The following SRSF4 variants were observed in gnomAD, a reference collection of about 807,000 sequenced individuals.
The protein encoded by SRSF4 is serine and arginine rich splicing factor 4, also known as serine/arginine-rich splicing factor 4.
Under a neutral mutation model 48.8 loss-of-function variants are expected in SRSF4, and 12 were observed. The observed-to-expected ratio is 0.25, with a 90% CI of 0.16 to 0.40. SRSF4 has a LOEUF of 0.40. Among genes scored for constraint, SRSF4 ranks in the 10% least tolerant of loss-of-function variants. The probability of loss-of-function intolerance (pLI) is 1.00; values close to 1 mark genes in which losing one functional copy is unlikely to be tolerated. For missense variants in SRSF4, 466 were observed against 667.1 expected, an observed-to-expected ratio of 0.70 and a Z score of 3.32; for synonymous variants, 248 against 232.5, an observed-to-expected ratio of 1.07 and a Z score of -0.61.
intron 3 of SRSF4, among the ~76,000 whole-genome samples, chr1:29,155,420 G>A (rs1289288632): frequency 1.3e-5 from 2 of 152,056 alleles, no homozygotes; most frequent in African/African-American, 4.8e-5. Flanking sequence ...TACAGAGCAA[G>A]ACCCTACCTC....
intron 4 of SRSF4, among the ~76,000 whole-genome samples, chr1:29,151,571 C>T (rs900411125): frequency 1.3e-5 from 2 of 152,180 alleles, no homozygotes; most frequent in African/African-American, 4.8e-5. Context: ...AGCCTGACTA[C>T]ATTAGGTTTT....
chr1:29,148,455 G>T lies in SRSF4; in HGVS notation c.1440C>A (p.Ser480=), dbSNP rs771875646. ...SRSKSRSRSA[S]RSPSRSRSRS... ...TAGATCTAGATCGGGAGGGCGATCT[G>T]GAAGCAGACCTGGATCTAGACTTGG... The change falls in exon 6 of 6, where the codon TCC becomes TCA. Residue 480 remains serine (S), a synonymous_variant. Coordinates refer to ENST00000373795, the MANE Select transcript of SRSF4 (RefSeq NM_005626.5). 1.2e-6 allele frequency: 2 copies of T among 1,612,204 alleles called. No individual in the cohort carries two copies. Among genetic ancestry groups the T allele is most frequent in the South Asian group, 2.2e-5 (2 of 90,746 alleles).
Position 29,181,806 on chromosome 1 carries a change from C to A in SRSF4, c.-54G>T. On this transcript the variant is annotated 5_prime_UTR_variant, in exon 1 of 6. Transcript: ENST00000373795. ...GGCCCCAGCCCCCCTTAGGCGGCGG[C>A]GGGCAAAGCGAGAGCACGGCGGCAG... is the stretch of plus-strand genomic sequence containing the variant. The A allele has an allele frequency of 6.9e-7, 1 of 1,449,222 alleles. No homozygotes were observed. The highest frequency in any genetic ancestry group is 9.1e-7 in the Non-Finnish European group (1 of 1,094,002). 89.8% of individuals were successfully genotyped at this position (1,449,222 alleles called of 1,614,324 possible).
At chr1:29,178,106 G>T (rs2151828545) in intron 1 of SRSF4, among the ~76,000 whole-genome samples, 1 of 151,678 alleles carries the variant, frequency 6.6e-6, no homozygotes, top group East Asian at 2.0e-4. Context: ...CACCATGTTG[G>T]CCAGGCTGGT....
intron 1 of SRSF4, chr1:29,171,396 A>G (rs1189104568): frequency 4.0e-5 from 6 of 148,398 alleles, no homozygotes; most frequent in Admixed American, 3.4e-4. Flanking sequence ...TTGAATGTCA[A>G]TGCCCACATG....
chr1:29,150,841 A>G (rs1672398332), intron 4 of SRSF4, among the ~76,000 whole-genome samples: 1 of 152,028 alleles, frequency 6.6e-6, no homozygotes, highest in Non-Finnish European at 1.5e-5. Flanking sequence ...ACCCACGATC[A>G]TGCCTCCTGA....
chr1:29,171,777 T>C (rs1296591607), intron 1 of SRSF4: 1 of 152,190 alleles, frequency 6.6e-6, no homozygotes, highest in African/African-American at 2.4e-5. Context: ...ACCGAGTCTA[T>C]ATCCTGTGCC....
At chr1:29,154,956 A>C in intron 3 of SRSF4, 46 bp from the exon 4 acceptor site, 1 of 1,540,782 alleles carries the variant, frequency 6.5e-7, no homozygotes, top group East Asian at 2.3e-5. Flanking sequence ...TGTTTTGCTA[A>C]AATATCTAAT....
At chr1:29,178,603 G>A (rs561468543) in intron 1 of SRSF4, among the ~76,000 whole-genome samples, 309 of 151,720 alleles carry the variant, frequency 2.0e-3, no homozygotes, top group Non-Finnish European at 3.5e-3. Context: ...TCATCTGCCC[G>A]CCTCGGCCTC....
At chr1:29,162,923 TTC>T (rs1180336894) in intron 1 of SRSF4, among the ~76,000 whole-genome samples, 1 of 152,192 alleles carries the variant, frequency 6.6e-6, no homozygotes, top group African/African-American at 2.4e-5. Flanking sequence ...CAAGTGATGC[TTC>T]TGTCAGACCT....
chr1:29,160,584 GA>G (rs1672579410), intron 1 of SRSF4, 67 bp from the exon 2 acceptor site: 9 of 1,515,306 alleles, frequency 5.9e-6, no homozygotes, highest in Non-Finnish European at 8.0e-6. Flanking sequence ...ACATTAAAGA[GA>G]AAGCAATGAG....
Position 29,148,972 on chromosome 1 carries a change from C to G in SRSF4, c.923G>C (p.Arg308Thr). 6.2e-7 allele frequency: 1 copy of G among 1,613,100 alleles called. No homozygotes were observed. The highest frequency in any genetic ancestry group is 8.5e-7 in the Non-Finnish European group (1 of 1,179,848). The change falls in exon 6 of 6, where the codon AGA (arginine) becomes ACA (threonine). Residue 308 changes from arginine to threonine, a missense_variant. By Grantham distance (71) the Arg-to-Thr change is moderately conservative. Coordinates refer to ENST00000373795, the MANE Select transcript of SRSF4 (RefSeq NM_005626.5). ...SKSRSRSQERRVEEEKRGSVS... is the reference protein window; with the variant it reads ...SKSRSRSQERTVEEEKRGSVS... ...ACTCCCTCGCTTCTCCTCCTCCACT[C>G]TCCTCTCCTGACTCCTGCTCCGACT... is the stretch of plus-strand genomic sequence containing the variant.
intron 1 of SRSF4, among the ~76,000 whole-genome samples, chr1:29,176,248 T>C (rs1036307674): frequency 5.9e-5 from 9 of 151,894 alleles, no homozygotes; most frequent in African/African-American, 1.9e-4. Context: ...CAAGACTCCA[T>C]CTCAAAAAAA....
At chr1:29,172,634 C>T (rs1168998775) in intron 1 of SRSF4, 1 of 152,204 alleles carries the variant, frequency 6.6e-6, no homozygotes, top group African/African-American at 2.4e-5. Context: ...AAGTGCCCAT[C>T]ACACGGGCAT....
intron 3 of SRSF4, among the ~76,000 whole-genome samples, chr1:29,157,044 T>C (rs1375614022): frequency 6.6e-6 from 1 of 152,222 alleles, no homozygotes; most frequent in Non-Finnish European, 1.5e-5. Context: ...AGCATATCTT[T>C]AACTTATCGG....
intron 1 of SRSF4, among the ~76,000 whole-genome samples, chr1:29,168,029 T>TAA (rs35140219): frequency 9.2e-5 from 13 of 141,194 alleles, no homozygotes; most frequent in South Asian, 2.3e-4. Context: ...TTTTTTTTTT[T>TAA]AAAAAAAACA....
At chr1:29,170,115 T>C (rs1449095273) in intron 1 of SRSF4, 3 of 152,206 alleles carry the variant, frequency 2.0e-5, no homozygotes, top group Non-Finnish European at 2.9e-5. Context: ...GATACAATCA[T>C]CTGTGTCCAT....
At position 29,149,181 on chromosome 1, in the gene SRSF4, A is replaced by T; in HGVS notation, c.714T>A (p.Ser238Arg). The T allele has an allele frequency of 3.1e-6, 5 of 1,609,342 alleles. No homozygotes were observed. The highest frequency in any genetic ancestry group is 4.2e-6 in the Non-Finnish European group (5 of 1,179,486). The change falls in exon 6 of 6, where the codon AGT becomes AGA. Residue 238 changes from serine (S) to arginine (R), a missense_variant. Physicochemically the swap from Ser to Arg is moderately radical, Grantham distance 110 (BLOSUM62 -1). This residue lies in a region of SRSF4 where 402 missense variants were observed against 437.0 expected (regional missense o/e 0.92). Coordinates refer to ENST00000373795, the MANE Select transcript of SRSF4 (RefSeq NM_005626.5). Reference sequence around the variant, plus strand: ...TTTTCTCTTTCTTGCTCCGGCTCCGACTCTGGCTCCGGCTCCGGCTCTTGC... The same window carrying T: ...TTTTCTCTTTCTTGCTCCGGCTCCGTCTCTGGCTCCGGCTCCGGCTCTTGC... ...SRSKSRSRSQ[S>R]RSRSKKEKSR...
chr1:29,154,261 C>T (rs757287470), intron 4 of SRSF4, among the ~76,000 whole-genome samples: 1 of 152,022 alleles, frequency 6.6e-6, no homozygotes, highest in African/African-American at 2.4e-5. Flanking sequence ...GACAAGATTT[C>T]GCCATGTTGG....
Sources: allele counts gnomAD v4.1 joint callset (sites outside exome capture counted in the v4.1 genomes callset), GRCh38; gene constraint gnomAD v4.1.1; regional missense constraint gnomAD v4.1.1; transcripts MANE v1.5; gene names NCBI Gene and HGNC (gene_info 2026-07-23, HGNC 2026-07-21).